SAMSN1: variants seen among roughly 807,000 people sequenced by gnomAD.
The protein encoded by SAMSN1 is SAM domain, SH3 domain and nuclear localization signals 1.
Under a neutral mutation model 42.0 loss-of-function variants are expected in SAMSN1, and 31 were observed. The observed-to-expected ratio is 0.74, with a 90% CI of 0.55 to 1.00. The LOEUF is 1.00. SAMSN1 is among the 50% of genes least tolerant of loss of function. The pLI is 0.00. For missense variants in SAMSN1, 464 were observed against 439.4 expected, an observed-to-expected ratio of 1.06 and a Z score of -0.50; for synonymous variants, 178 against 151.9, an observed-to-expected ratio of 1.17 and a Z score of -1.26.
chr21:14,535,655 C>T lies in SAMSN1; in HGVS notation c.57+10550G>A, dbSNP rs558093465. Among the ~76,000 whole-genome samples, 29 of 152,212 alleles carry T rather than the reference C, an allele frequency of 1.9e-4. No individual in the cohort carries two copies. In the South Asian group the frequency reaches 5.8e-3, roughly 30 times the overall value. On this transcript the variant is annotated intron_variant, in intron 1 of 7. Transcript: ENST00000400566. ...GTGACCATTAGGGTAGGACCTAATC[C>T]GTTCCTACTGGTGTCCTTATAAGAT...
In SAMSN1 at chr21:14,581,021, A is replaced by AT. The variant is rs972155892; in HGVS notation, c.261+1114dup. On this transcript the variant is annotated intron_variant, in intron 2 of 8. Transcript: ENST00000285670. ...TGACTTTAGCTTCTTGACTATTTCCATTTTTTAGTTAAGAAAGTTAAGATT... is the reference window on the plus strand; with the variant it reads ...TGACTTTAGCTTCTTGACTATTTCCATTTTTTTAGTTAAGAAAGTTAAGATT... Among the ~76,000 whole-genome samples, 12 of 152,276 alleles carry AT rather than the reference A, an allele frequency of 7.9e-5. 1 individual carries two copies. Among genetic ancestry groups the AT allele is most frequent in the African/African-American group, 2.9e-4 (12 of 41,556 alleles).
chr21:14,649,025 G>A (rs1424978249), intron 1 of SAMSN1, among the ~76,000 whole-genome samples: 4 of 152,010 alleles, frequency 2.6e-5, no homozygotes, highest in African/African-American at 7.3e-5. Context: ...CAACCCAAAT[G>A]CCCAACAATG....
intron 1 of SAMSN1, among the ~76,000 whole-genome samples, chr21:14,525,418 A>G (rs1190234539): frequency 2.0e-5 from 3 of 152,208 alleles, no homozygotes; most frequent in Non-Finnish European, 4.4e-5. Context: ...AAAACAACCC[A>G]GCTTCTTCAG....
intron 7 of SAMSN1, chr21:14,495,827 A>T (rs1236710000): frequency 6.6e-6 from 1 of 152,222 alleles, no homozygotes; most frequent in Non-Finnish European, 1.5e-5. Context: ...TGAGAAAGCC[A>T]CTTAGCTACT....
At chr21:14,532,147 C>A (rs951515684) in intron 1 of SAMSN1, among the ~76,000 whole-genome samples, 3 of 152,158 alleles carry the variant, frequency 2.0e-5, no homozygotes, top group Non-Finnish European at 1.5e-5. Flanking sequence ...TGGCATATGT[C>A]AGCTCAGCAG....
chr21:14,525,885 G>T (rs1978816897), intron 1 of SAMSN1, among the ~76,000 whole-genome samples: 1 of 152,034 alleles, frequency 6.6e-6, no homozygotes, highest in Non-Finnish European at 1.5e-5. Flanking sequence ...CTTATTTTGA[G>T]ACCGAGTCTC....
intron 1 of SAMSN1, among the ~76,000 whole-genome samples, chr21:14,536,491 A>T (rs193249070): frequency 2.6e-5 from 4 of 152,356 alleles, no homozygotes; most frequent in Admixed American, 2.6e-4. Context: ...CTTTTCAAGT[A>T]TAGCTAATAC....
intron 7 of SAMSN1, among the ~76,000 whole-genome samples, chr21:14,493,735 G>A (rs1356152439): frequency 6.6e-6 from 1 of 152,086 alleles, no homozygotes; most frequent in African/African-American, 2.4e-5. Flanking sequence ...CTGCTCTCTT[G>A]TCCCTTCAAG....
At chr21:14,576,959 A>G (rs984373892) in intron 2 of SAMSN1, among the ~76,000 whole-genome samples, 3 of 150,392 alleles carry the variant, frequency 2.0e-5, no homozygotes, top group African/African-American at 7.4e-5. Context: ...ACATTTTCAC[A>G]CTATATAAAA....
intron 6 of SAMSN1, among the ~76,000 whole-genome samples, chr21:14,600,139 G>A (rs983090940): frequency 6.6e-6 from 1 of 152,110 alleles, no homozygotes; most frequent in Non-Finnish European, 1.5e-5. Context: ...TTTGTTCACT[G>A]ATGGAAGGCC....
chr21:14,578,554 G>A (rs1468994509), intron 2 of SAMSN1, among the ~76,000 whole-genome samples: 4 of 151,788 alleles, frequency 2.6e-5, no homozygotes, highest in African/African-American at 4.8e-5. Context: ...ATGGTGGCGG[G>A]CACCTGTAAT....
At chr21:14,656,585 G>T (rs439328) in intron 1 of SAMSN1, among the ~76,000 whole-genome samples, 68,513 of 151,522 alleles carry the variant, frequency 0.45, 17,984 homozygotes, top group Non-Finnish European at 0.58. Context: ...AAAAATTGTG[G>T]AGTCAGAGTG....
At chr21:14,515,436 A>G (rs1034541717) in intron 3 of SAMSN1, among the ~76,000 whole-genome samples, 6 of 152,192 alleles carry the variant, frequency 3.9e-5, no homozygotes, top group African/African-American at 1.2e-4. Flanking sequence ...AAGGACAACT[A>G]TATATCTACA....
chr21:14,503,672 A>G (rs1051039034), intron 5 of SAMSN1, among the ~76,000 whole-genome samples: 7 of 152,186 alleles, frequency 4.6e-5, no homozygotes, highest in African/African-American at 1.7e-4. Flanking sequence ...CCAACTTAAA[A>G]AGTACTAGAC....
chr21:14,585,568 T>C (rs1232183005), upstream of SAMSN1: 1 of 152,242 alleles, frequency 6.6e-6, no homozygotes, highest in Non-Finnish European at 1.5e-5. Flanking sequence ...CTAGAGGTTT[T>C]AAAACAAACT....
Position 14,582,149 on chromosome 21 carries a change from A to G in SAMSN1, c.248T>C (p.Leu83Pro), listed in dbSNP as rs1043825840. ...CTGCAAACTTACCCATGAATGTAGG[A>G]GATCCATATCTGAGCAGGAAGACTT... The change falls in exon 2 of 9, where the codon CTC becomes CCC. Residue 83 changes from leucine to proline, a missense_variant. Coordinates refer to the SAMSN1 transcript ENST00000285670. 1.9e-6 allele frequency: 3 copies of G among 1,546,176 alleles called. No individual in the cohort carries two copies. The Admixed American group carries it at 5.9e-5, about 31-fold the overall frequency.
chr21:14,507,430 A>G (rs1281376191), intron 5 of SAMSN1, among the ~76,000 whole-genome samples: 1 of 152,168 alleles, frequency 6.6e-6, no homozygotes, highest in Middle Eastern at 3.2e-3. Flanking sequence ...CAAGAACTCA[A>G]CCCCTTTTAC....
chr21:14,524,224 A>C (rs892043680), intron 1 of SAMSN1, among the ~76,000 whole-genome samples: 13 of 152,202 alleles, frequency 8.5e-5, no homozygotes, highest in African/African-American at 3.1e-4. Flanking sequence ...ATATGGAAAC[A>C]AAGCTTGCTT....
chr21:14,528,432 G>T lies in SAMSN1; in HGVS notation c.58-7211C>A, dbSNP rs972323388. Reference sequence around the variant, plus strand: ...TTTTATGCCTGCCCCAGCCCATAAGGCACCCTCTGCCTGCCTCTGGGCTGC... The same window carrying T: ...TTTTATGCCTGCCCCAGCCCATAAGTCACCCTCTGCCTGCCTCTGGGCTGC... On this transcript the variant is annotated intron_variant, in intron 1 of 7. Transcript: ENST00000400566. Among the ~76,000 whole-genome samples, 29 of 152,134 alleles carry T rather than the reference G, an allele frequency of 1.9e-4. 3 individuals are homozygous for T. Among genetic ancestry groups the T allele is most frequent in the Admixed American group, 1.2e-3 (19 of 15,282 alleles).
Sources: gnomAD v4.1 joint callset for allele counts (sites outside exome capture counted in the v4.1 genomes callset) on GRCh38, gnomAD v4.1.1 for gene constraint, MANE v1.5 for transcripts, NCBI Gene and HGNC (gene_info 2026-07-23, HGNC 2026-07-21) for gene names.